Variants in SLC44A1 observed in about 807,000 individuals in gnomAD.
SLC44A1 encodes the protein solute carrier family 44 member 1, also known as choline transporter-like protein 1.
A neutral mutation model predicts 79.3 loss-of-function variants in SLC44A1; 26 were observed. That is an observed-to-expected ratio of 0.33 (90% CI 0.24 to 0.46). The LOEUF (loss-of-function observed/expected upper bound fraction) is 0.46. Ranked by LOEUF, SLC44A1 falls within the 20% of genes least tolerant of loss-of-function variation. The probability of loss-of-function intolerance (pLI) is 1.00; values close to 1 mark genes in which losing one functional copy is unlikely to be tolerated. For missense variants in SLC44A1, 688 were observed against 798.1 expected (o/e 0.86, Z 1.66); for synonymous variants, 263 against 286.2 (o/e 0.92, Z 0.82).
chr9:105,380,358 C>A (rs1411838096), intron 13 of SLC44A1, among the ~76,000 whole-genome samples: 1 of 150,000 alleles, frequency 6.7e-6, no homozygotes, highest in African/African-American at 2.4e-5. Context: ...ATTTTTTTTT[C>A]TTTTTTTTGA....
chr9:105,247,775 C>T (rs775951208), intron 1 of SLC44A1, among the ~76,000 whole-genome samples: 1 of 152,192 alleles, frequency 6.6e-6, no homozygotes, highest in Non-Finnish European at 1.5e-5. Flanking sequence ...AATATGTAGA[C>T]ATATATTTGA....
chr9:105,325,297 T>C (rs1384961713), intron 3 of SLC44A1, among the ~76,000 whole-genome samples: 1 of 152,150 alleles, frequency 6.6e-6, no homozygotes, highest in East Asian at 1.9e-4. Flanking sequence ...AATAGACAAA[T>C]GTATAGAGAC....
At chr9:105,350,017 C>T (rs1024100934) in intron 5 of SLC44A1, among the ~76,000 whole-genome samples, 1 of 152,136 alleles carries the variant, frequency 6.6e-6, no homozygotes, top group East Asian at 1.9e-4. Flanking sequence ...CACTGGAAGA[C>T]AAAGAATAGT....
At chr9:105,257,998 A>G (rs1352465505) in intron 1 of SLC44A1, among the ~76,000 whole-genome samples, 1 of 152,234 alleles carries the variant, frequency 6.6e-6, no homozygotes, top group Non-Finnish European at 1.5e-5. Context: ...TAGAAGGCAG[A>G]GGCCGCCCAG....
At chr9:105,274,820 A>G (rs372860956) in intron 1 of SLC44A1, among the ~76,000 whole-genome samples, 5 of 152,246 alleles carry the variant, frequency 3.3e-5, no homozygotes, top group Admixed American at 3.3e-4. Context: ...ACACATAGAT[A>G]GGGTTAAGTG....
chr9:105,351,895 G>A (rs1434353793), intron 5 of SLC44A1, among the ~76,000 whole-genome samples: 1 of 152,166 alleles, frequency 6.6e-6, no homozygotes, highest in African/African-American at 2.4e-5. Flanking sequence ...ACTAATTGTT[G>A]CAAATTGGAA....
chr9:105,299,155 T>A, intron 1 of SLC44A1, 65 bp from the exon 2 acceptor site: 1 of 1,153,218 alleles, frequency 8.7e-7, no homozygotes, highest in Admixed American at 2.2e-5. Context: ...GCTGGTGTAT[T>A]TGTGCCCTTC....
At chr9:105,309,667 G>C (rs559873480) in intron 2 of SLC44A1, 57 bp from the exon 3 acceptor site, 48 of 1,523,022 alleles carry the variant, frequency 3.2e-5, no homozygotes, top group African/African-American at 6.9e-5. Flanking sequence ...GTATCAACTA[G>C]TGACTGTTGG....
chr9:105,380,476 C>T (rs777922207), intron 13 of SLC44A1, among the ~76,000 whole-genome samples: 7 of 151,932 alleles, frequency 4.6e-5, no homozygotes, highest in Non-Finnish European at 8.8e-5. Flanking sequence ...GCTGCCATGC[C>T]CAGCTAGGGA....
intron 1 of SLC44A1, among the ~76,000 whole-genome samples, chr9:105,292,622 A>G (rs1021604647): frequency 4.6e-5 from 7 of 152,224 alleles, no homozygotes; most frequent in African/African-American, 1.7e-4. Flanking sequence ...AGATCATTTT[A>G]ATGTTTGCCT....
At chr9:105,414,586 G>A (rs141976318) in intron 15 of SLC44A1, among the ~76,000 whole-genome samples, 1 of 152,172 alleles carries the variant, frequency 6.6e-6, no homozygotes, top group African/African-American at 2.4e-5. Context: ...GTAAAACATA[G>A]CAGCATTTTA....
At chr9:105,303,102 C>T (rs1830924830) in intron 2 of SLC44A1, among the ~76,000 whole-genome samples, 2 of 152,096 alleles carry the variant, frequency 1.3e-5, no homozygotes, top group Non-Finnish European at 2.9e-5. Context: ...CAGCTCAAAT[C>T]CCACCCCAGC....
At chr9:105,350,984 A>G (rs892120085) in intron 5 of SLC44A1, among the ~76,000 whole-genome samples, 3 of 152,226 alleles carry the variant, frequency 2.0e-5, no homozygotes, top group Admixed American at 1.3e-4. Flanking sequence ...TGAATTTTAA[A>G]AACAAATGCC....
At chr9:105,307,855 C>T (rs987956756) in intron 2 of SLC44A1, among the ~76,000 whole-genome samples, 2 of 151,912 alleles carry the variant, frequency 1.3e-5, no homozygotes, top group African/African-American at 4.8e-5. Context: ...GGTTGAAGTT[C>T]TGAGGTGGGA....
chr9:105,400,084 A>G (rs1289734467), downstream of SLC44A1, among the ~76,000 whole-genome samples: 1 of 152,056 alleles, frequency 6.6e-6, no homozygotes, highest in East Asian at 1.9e-4. Flanking sequence ...AATCCCAGCT[A>G]CTCAGGAGGC....
At chr9:105,371,670 G>A (rs1828105590) in intron 12 of SLC44A1, among the ~76,000 whole-genome samples, 1 of 137,744 alleles carries the variant, frequency 7.3e-6, no homozygotes, top group Non-Finnish European at 1.5e-5. Flanking sequence ...AGTGAGCTGA[G>A]ATCGTGCCTC....
chr9:105,383,317 T>TGG lies in SLC44A1; in HGVS notation c.1829_1830dup (p.Ser611GlyfsTer13). 1 of 1,613,172 alleles carries TGG rather than the reference T, an allele frequency of 6.2e-7. No homozygotes were observed. Among genetic ancestry groups the TGG allele is most frequent in the Non-Finnish European group, 8.5e-7 (1 of 1,179,084 alleles). On this transcript the variant is annotated frameshift_variant, in exon 14 of 16. Transcript: ENST00000374720. LOFTEE classifies it high-confidence loss of function. ...TTGCCATTGATACAAAATACAATGATGGGAGCCCTGGCAGAGAATTCTATA... is the reference window on the plus strand; with the variant it reads ...TTGCCATTGATACAAAATACAATGATGGGGGAGCCCTGGCAGAGAATTCTATA...
chr9:105,269,538 C>G lies in SLC44A1; in HGVS notation c.36+24634C>G, dbSNP rs537948267. Among the ~76,000 whole-genome samples, 20 of 152,312 alleles carry G rather than the reference C, an allele frequency of 1.3e-4. No homozygotes were observed. In the South Asian group the frequency reaches 4.1e-3, roughly 32 times the overall value. The stretch of plus-strand genomic sequence containing the variant: ...AGACTTTAGCCAGGAATGGCTTACT[C>G]AGGTGCATGTGTTGGCTCTTACTGG... On this transcript the variant is annotated intron_variant, in intron 1 of 15. Transcript: ENST00000374720.
At chr9:105,403,429 G>A (rs1003858540) in intron 15 of SLC44A1, among the ~76,000 whole-genome samples, 1 of 151,888 alleles carries the variant, frequency 6.6e-6, no homozygotes, top group Non-Finnish European at 1.5e-5. Context: ...CACTGAAGTT[G>A]TTACCTCATA....
Sources: gnomAD v4.1 joint callset for allele counts (sites outside exome capture counted in the v4.1 genomes callset) on GRCh38, gnomAD v4.1.1 for gene constraint, MANE v1.5 for transcripts, NCBI Gene and HGNC (gene_info 2026-07-23, HGNC 2026-07-21) for gene names.